GRXCR1: variants seen among roughly 807,000 people sequenced by gnomAD.
GRXCR1 encodes the protein glutaredoxin and cysteine rich domain containing 1.
GRXCR1 carries 27 observed loss-of-function variants against 27.3 expected under a neutral mutation model. That is an observed-to-expected ratio of 0.99 (90% CI 0.73 to 1.37). The LOEUF (loss-of-function observed/expected upper bound fraction) is 1.37. Among genes scored for constraint, GRXCR1 ranks in the 40% most tolerant of loss-of-function variants. The pLI is 0.00. For synonymous variants in GRXCR1, 122 were observed against 131.1 expected (o/e 0.93, Z 0.47); for missense variants, 379 against 354.4 (o/e 1.07, Z -0.56).
intron 2 of GRXCR1, among the ~76,000 whole-genome samples, chr4:42,966,580 C>A: frequency 6.6e-6 from 1 of 152,194 alleles, no homozygotes; most frequent in East Asian, 1.9e-4. Flanking sequence ...GGAACACTCA[C>A]AAAATTTCTC....
rs1161291783 is a variant in GRXCR1, at chr4:42,987,228, AT to A, written c.627+24096del. Among the ~76,000 whole-genome samples, 19 of 91,892 alleles carry A rather than the reference AT, an allele frequency of 2.1e-4. No individual in the cohort carries two copies. In the East Asian group the frequency reaches 2.2e-3, roughly 10 times the overall value. 60.3% of individuals were successfully genotyped at this position (91,892 alleles called of 152,430 possible). ...TATATATATTATATATATATTATAT[AT>A]TATATATATATAATATATAATATAT... is the stretch of plus-strand genomic sequence containing the variant. On this transcript the variant is annotated intron_variant, in intron 2 of 3. Transcript: ENST00000399770.
chr4:42,919,227 C>A (rs1746952686), intron 1 of GRXCR1, among the ~76,000 whole-genome samples: 1 of 152,128 alleles, frequency 6.6e-6, no homozygotes, highest in Non-Finnish European at 1.5e-5. Context: ...GTCAGACAGT[C>A]ATGCCTTTCA....
At chr4:42,931,537 A>T (rs753301923) in intron 1 of GRXCR1, among the ~76,000 whole-genome samples, 1 of 151,702 alleles carries the variant, frequency 6.6e-6, no homozygotes, top group South Asian at 2.1e-4. Context: ...CTCTCATTAG[A>T]TACTTTTGTG....
At chr4:42,921,370 G>T (rs1408014178) in intron 1 of GRXCR1, among the ~76,000 whole-genome samples, 1 of 152,066 alleles carries the variant, frequency 6.6e-6, no homozygotes, top group Admixed American at 6.6e-5. Context: ...AGCCCAAGTG[G>T]TCTAAGACAC....
intron 1 of GRXCR1, among the ~76,000 whole-genome samples, chr4:42,918,781 T>A (rs1270113702): frequency 1.3e-5 from 2 of 152,032 alleles, no homozygotes; most frequent in Non-Finnish European, 2.9e-5. Flanking sequence ...AGTGAATCTA[T>A]CCTAGGATCA....
chr4:42,943,708 T>C (rs1469383456), intron 1 of GRXCR1, among the ~76,000 whole-genome samples: 1 of 152,100 alleles, frequency 6.6e-6, no homozygotes, highest in African/African-American at 2.4e-5. Context: ...CACTTATTCA[T>C]TCAAGAAATA....
chr4:42,963,514 A>G (rs1577922814), intron 2 of GRXCR1, among the ~76,000 whole-genome samples: 6 of 152,094 alleles, frequency 3.9e-5, no homozygotes, highest in Admixed American at 6.6e-5. Flanking sequence ...AGCATTATCA[A>G]TCAGTTTCCT....
intron 1 of GRXCR1, among the ~76,000 whole-genome samples, chr4:42,956,801 T>A (rs1051654873): frequency 6.6e-6 from 1 of 152,086 alleles, no homozygotes; most frequent in African/African-American, 2.4e-5. Flanking sequence ...GTGCAGTGTG[T>A]ATCTTGCACA....
chr4:42,957,845 C>T (rs1325196356), intron 1 of GRXCR1, among the ~76,000 whole-genome samples: 2 of 151,786 alleles, frequency 1.3e-5, no homozygotes, highest in African/African-American at 2.4e-5. Context: ...TCTGTGTCAT[C>T]TTAGATTTTG....
intron 2 of GRXCR1, among the ~76,000 whole-genome samples, chr4:42,994,363 G>A (rs1170089477): frequency 6.6e-6 from 1 of 152,158 alleles, no homozygotes; most frequent in Non-Finnish European, 1.5e-5. Context: ...TTACCACAGA[G>A]TGCAAGGTAA....
chr4:42,978,712 C>T (rs965861483), intron 2 of GRXCR1, among the ~76,000 whole-genome samples: 28 of 152,070 alleles, frequency 1.8e-4, no homozygotes, highest in South Asian at 2.1e-4. Flanking sequence ...TTTTTAACAG[C>T]AATTTCAGCA....
chr4:43,008,219 T>A (rs1712627274), intron 2 of GRXCR1, among the ~76,000 whole-genome samples: 1 of 152,222 alleles, frequency 6.6e-6, no homozygotes, highest in African/African-American at 2.4e-5. Flanking sequence ...CCTCAGTAAG[T>A]GGCTAGCAAG....
At chr4:42,968,482 A>G (rs917327643) in intron 2 of GRXCR1, among the ~76,000 whole-genome samples, 2 of 152,096 alleles carry the variant, frequency 1.3e-5, no homozygotes, top group Non-Finnish European at 2.9e-5. Context: ...CTAAACAACA[A>G]TGAAACTTAA....
intron 1 of GRXCR1, among the ~76,000 whole-genome samples, chr4:42,908,325 G>T (rs1475733077): frequency 1.3e-5 from 2 of 152,176 alleles, no homozygotes; most frequent in Non-Finnish European, 2.9e-5. Flanking sequence ...TAGATGCTGA[G>T]TTTCTACCAG....
intron 2 of GRXCR1, among the ~76,000 whole-genome samples, chr4:42,963,502 A>G (rs1050667965): frequency 6.6e-6 from 1 of 152,016 alleles, no homozygotes. Context: ...ATTCTCATAT[A>G]CAGCATTATC....
intron 1 of GRXCR1, among the ~76,000 whole-genome samples, chr4:42,946,160 C>T (rs1747740164): frequency 6.6e-6 from 1 of 152,058 alleles, no homozygotes; most frequent in African/African-American, 2.4e-5. Context: ...GTGGAATAGC[C>T]ATGCCACAGC....
At chr4:43,014,871 C>T (rs1480200646) in intron 2 of GRXCR1, among the ~76,000 whole-genome samples, 3 of 152,146 alleles carry the variant, frequency 2.0e-5, no homozygotes, top group Non-Finnish European at 4.4e-5. Flanking sequence ...ACACAAAATG[C>T]TGTGTGCCCG....
At chr4:42,934,202 A>T (rs1428007999) in intron 1 of GRXCR1, among the ~76,000 whole-genome samples, 1 of 149,896 alleles carries the variant, frequency 6.7e-6, no homozygotes, top group East Asian at 2.0e-4. Context: ...TTGAGTTGAG[A>T]CTTCATAATA....
intron 1 of GRXCR1, among the ~76,000 whole-genome samples, chr4:42,937,364 A>C (rs7667015): frequency 6.6e-6 from 1 of 151,388 alleles, no homozygotes; most frequent in Non-Finnish European, 1.5e-5. Flanking sequence ...CCCCAGTGCT[A>C]TAATTAGCTG....
Sources: allele counts gnomAD v4.1 joint callset (sites outside exome capture counted in the v4.1 genomes callset), GRCh38; gene constraint gnomAD v4.1.1; transcripts MANE v1.5; gene names NCBI Gene and HGNC (gene_info 2026-07-23, HGNC 2026-07-21).